AGT: variants seen among roughly 807,000 people sequenced by gnomAD.
The protein encoded by AGT is angiotensinogen, also known as alpha-1 antiproteinase, antitrypsin.
In AGT, 26 loss-of-function variants were observed where a neutral mutation model predicts 28.1. The ratio of observed to expected loss-of-function variants is 0.92; its 90% confidence interval spans 0.68 to 1.28. AGT has a LOEUF of 1.28. Among genes scored for constraint, AGT ranks in the 50% most tolerant of loss-of-function variants. The pLI is 0.00. For missense variants in AGT, 596 were observed against 592.3 expected, an observed-to-expected ratio of 1.01 and a Z score of -0.06; for synonymous variants, 259 against 259.6, an observed-to-expected ratio of 1.00 and a Z score of 0.02.
chr1:230,724,976 T>C (rs1356710300), intron 1 of AGT, among the ~76,000 whole-genome samples: 1 of 152,202 alleles, frequency 6.6e-6, no homozygotes, highest in African/African-American at 2.4e-5. Context: ...GCAGAAGCTA[T>C]ACTCAGGAAA....
At chr1:230,745,056 T>A (rs1270810212) in intron 1 of AGT, among the ~76,000 whole-genome samples, 1 of 152,214 alleles carries the variant, frequency 6.6e-6, no homozygotes, top group Non-Finnish European at 1.5e-5. Context: ...GGCAGCTCCA[T>A]CATCTCTAGC....
chr1:230,714,364 C>T (rs1304067465), upstream of AGT: 3 of 152,458 alleles, frequency 2.0e-5, no homozygotes, highest in East Asian at 1.9e-4. Context: ...ACACATTTAC[C>T]GAAGTTTGCA....
intron 1 of AGT, among the ~76,000 whole-genome samples, chr1:230,744,888 G>A (rs1201688546): frequency 1.3e-5 from 2 of 152,168 alleles, no homozygotes; most frequent in Non-Finnish European, 2.9e-5. Context: ...ATTTGAAGGG[G>A]ATGCTCCCAG....
At chr1:230,743,449 A>G (rs1323956398) in intron 1 of AGT, among the ~76,000 whole-genome samples, 1 of 148,546 alleles carries the variant, frequency 6.7e-6, no homozygotes, top group Non-Finnish European at 1.5e-5. Context: ...CAGTACTTCT[A>G]GAAGAATCTG....
chr1:230,720,515 C>A (rs561064951), intron 1 of AGT, among the ~76,000 whole-genome samples: 24 of 152,176 alleles, frequency 1.6e-4, no homozygotes. Context: ...TGGGGCGGGT[C>A]CCCGGTGAAA....
chr1:230,705,804 C>T (rs758798996), intron 3 of AGT, 129 bp downstream of exon 3: 56 of 1,227,288 alleles, frequency 4.6e-5, no homozygotes, highest in Middle Eastern at 2.6e-4. Context: ...TGCCCAGCCC[C>T]GTGCCACCGC....
chr1:230,706,170 T>G lies in AGT; in HGVS notation c.860A>C (p.Glu287Ala), dbSNP rs1213909298. The change falls in exon 3 of 5, where the codon GAG (glutamate) becomes GCG (alanine). Residue 287 changes from glutamate to alanine, a missense_variant. Transcript: ENST00000366667. ...GKMKGFSLLA[E>A]PQEFWVDNST... ...GTTGTCCACCCAGAACTCCTGGGGC[T>G]CGGCCAGCAGGGAGAAGCCCTTCAT... 2 of 1,613,716 alleles carry G rather than the reference T, an allele frequency of 1.2e-6. No individual in the cohort carries two copies. The highest frequency in any genetic ancestry group is 1.7e-5 in the Admixed American group (1 of 60,004).
At chr1:230,708,881 G>A (rs184967662) in intron 2 of AGT, among the ~76,000 whole-genome samples, 53 of 152,284 alleles carry the variant, frequency 3.5e-4, no homozygotes, top group African/African-American at 9.6e-4. Context: ...CAAGCATGGC[G>A]TTCAAAGTGT....
At chr1:230,709,594 G>A (rs911091886) in intron 2 of AGT, among the ~76,000 whole-genome samples, 1 of 152,174 alleles carries the variant, frequency 6.6e-6, no homozygotes, top group African/African-American at 2.4e-5. Flanking sequence ...TGACCCTTCT[G>A]AGTGTAGAAC....
chr1:230,727,672 T>C (rs963573636), intron 1 of AGT, among the ~76,000 whole-genome samples: 1 of 152,228 alleles, frequency 6.6e-6, no homozygotes, highest in African/African-American at 2.4e-5. Flanking sequence ...AAAGGCACCA[T>C]GCCTAGAATG....
At chr1:230,731,324 C>T (rs922732207) in intron 1 of AGT, among the ~76,000 whole-genome samples, 8 of 152,198 alleles carry the variant, frequency 5.3e-5, no homozygotes, top group Non-Finnish European at 7.3e-5. Flanking sequence ...TCTCTGCTTC[C>T]CCTCCAGCCC....
At chr1:230,734,610 A>ATGTG (rs59787972) in intron 1 of AGT, among the ~76,000 whole-genome samples, 38,811 of 150,286 alleles carry the variant, frequency 0.26, 5,819 homozygotes, top group African/African-American at 0.41. Context: ...TGGTGTGTGT[A>ATGTG]TGTGTGTGTG....
chr1:230,743,448 T>C (rs949581863), intron 1 of AGT, among the ~76,000 whole-genome samples: 2 of 151,046 alleles, frequency 1.3e-5, no homozygotes, highest in African/African-American at 4.9e-5. Context: ...ACAGTACTTC[T>C]AGAAGAATCT....
At chr1:230,731,384 A>C (rs1228724952) in intron 1 of AGT, among the ~76,000 whole-genome samples, 1 of 152,122 alleles carries the variant, frequency 6.6e-6, no homozygotes, top group Non-Finnish European at 1.5e-5. Context: ...CTTCAGTATA[A>C]ATCCATGAGA....
intron 1 of AGT, among the ~76,000 whole-genome samples, chr1:230,726,510 C>T (rs1035620922): frequency 1.3e-4 from 19 of 151,976 alleles, no homozygotes; most frequent in African/African-American, 4.6e-4. Context: ...AAAAAGACTT[C>T]ACCTAAGATC....
At chr1:230,708,596 CCT>C in intron 2 of AGT, among the ~76,000 whole-genome samples, 1 of 152,226 alleles carries the variant, frequency 6.6e-6, no homozygotes, top group East Asian at 1.9e-4. Flanking sequence ...CGCCACTGAA[CCT>C]CTTTCTCCAC....
At chr1:230,720,181 T>G (rs1208770065) in intron 1 of AGT, among the ~76,000 whole-genome samples, 1 of 152,158 alleles carries the variant, frequency 6.6e-6, no homozygotes. Context: ...ATTCGGGCCG[T>G]GACTTCACCA....
intron 1 of AGT, among the ~76,000 whole-genome samples, chr1:230,713,836 A>C (rs180942155): frequency 6.6e-6 from 1 of 152,224 alleles, no homozygotes; most frequent in East Asian, 1.9e-4. Flanking sequence ...TGAGGACCCT[A>C]ACTTTTCTCA....
intron 1 of AGT, among the ~76,000 whole-genome samples, chr1:230,738,336 C>T (rs904978689): frequency 6.6e-5 from 10 of 152,186 alleles, no homozygotes; most frequent in South Asian, 2.1e-4. Context: ...AAATTACCCA[C>T]GTTAAACAAG....
Sources: allele counts gnomAD v4.1 joint callset (sites outside exome capture counted in the v4.1 genomes callset), GRCh38; gene constraint gnomAD v4.1.1; transcripts MANE v1.5; gene names NCBI Gene and HGNC (gene_info 2026-07-23, HGNC 2026-07-21).